NEK11: variants seen among roughly 807,000 people sequenced by gnomAD.
NEK11 encodes serine/threonine-protein kinase Nek11.
In NEK11, 72 loss-of-function variants were observed where a neutral mutation model predicts 80.7. The ratio of observed to expected loss-of-function variants is 0.89; its 90% confidence interval spans 0.74 to 1.08. NEK11 has a LOEUF of 1.08. Ranked by LOEUF, NEK11 falls within the 50% of genes least tolerant of loss-of-function variation. The pLI, the probability that NEK11 is intolerant of heterozygous loss-of-function variation, is 0.00. For missense variants in NEK11, 764 were observed against 763.6 expected, an observed-to-expected ratio of 1.00 and a Z score of -0.01; for synonymous variants, 251 against 260.7, an observed-to-expected ratio of 0.96 and a Z score of 0.36.
At chr3:131,300,482 A>G (rs912808952) in intron 17 of NEK11, among the ~76,000 whole-genome samples, 11 of 152,208 alleles carry the variant, frequency 7.2e-5, no homozygotes, top group Admixed American at 2.6e-4. Context: ...GATATTTCCT[A>G]GATTACCTTC....
rs760947214 is a variant in NEK11 at position 131,228,620 on chromosome 3, G to A, written c.1492G>A (p.Ala498Thr). 2.5e-6 allele frequency: 4 copies of A among 1,613,694 alleles called. No individual in the cohort carries two copies. The South Asian group carries it at 3.3e-5, about 13-fold the overall frequency. The change falls in exon 15 of 18, where the codon GCG becomes ACG. Residue 498 changes from alanine (A) to threonine (T), a missense_variant. Ala to Thr is a moderately conservative substitution (Grantham distance 58, BLOSUM62 0). Coordinates refer to ENST00000383366, the MANE Select transcript of NEK11 (RefSeq NM_024800.5). ...GAGTGATGAGGAGGAAGAAGAAATA[G>A]CGTTAGAAAGACCAGAGAAAGAAAT... is the stretch of plus-strand genomic sequence containing the variant. ...EESDEEEEEI[A>T]LERPEKEIRN...
chr3:131,235,538 T>A (rs1234986431), intron 15 of NEK11, among the ~76,000 whole-genome samples: 1 of 152,236 alleles, frequency 6.6e-6, no homozygotes, highest in African/African-American at 2.4e-5. Context: ...GAAAGGGTTG[T>A]GACACATGGG....
At chr3:131,190,646 CT>C (rs962787407) in intron 14 of NEK11, among the ~76,000 whole-genome samples, 5 of 152,126 alleles carry the variant, frequency 3.3e-5, no homozygotes, top group Non-Finnish European at 7.3e-5. Flanking sequence ...AAATAAACCT[CT>C]TTTCTTTATA....
chr3:131,152,369 T>A lies in NEK11; in HGVS notation c.648-19T>A, dbSNP rs1377028419. The A allele has an allele frequency of 6.4e-7, 1 of 1,570,800 alleles. No individual in the cohort carries two copies. Among genetic ancestry groups the A allele is most frequent in the African/African-American group, 1.4e-5 (1 of 72,702 alleles). On this transcript the variant is annotated intron_variant, in intron 7 of 17. Coordinates refer to ENST00000383366, the MANE Select transcript of NEK11 (RefSeq NM_024800.5). ...TAGGATATTTGTTCCTTATTTAAAT[T>A]CTTTGACTTTGTCTTCAGGTCACTG...
intron 14 of NEK11, among the ~76,000 whole-genome samples, chr3:131,219,355 G>A (rs2094943798): frequency 6.6e-6 from 1 of 151,668 alleles, no homozygotes; most frequent in Non-Finnish European, 1.5e-5. Context: ...AGAACACATG[G>A]ACACAGGGAG....
At chr3:131,329,002 ATGGCCTGGG>A (rs1344195163) in intron 17 of NEK11, 2 of 152,202 alleles carry the variant, frequency 1.3e-5, no homozygotes, top group Non-Finnish European at 2.9e-5. Flanking sequence ...TTCACTCCAG[ATGGCCTGGG>A]TGTGCAAAGT....
chr3:131,052,160 A>G (rs1253944759), intron 3 of NEK11, among the ~76,000 whole-genome samples: 1 of 136,076 alleles, frequency 7.3e-6, no homozygotes, highest in African/African-American at 2.7e-5. Flanking sequence ...CTTTTTTCAT[A>G]TGACACAATA....
chr3:131,191,958 G>A (rs1181422947), intron 14 of NEK11, among the ~76,000 whole-genome samples: 1 of 152,088 alleles, frequency 6.6e-6, no homozygotes, highest in Non-Finnish European at 1.5e-5. Context: ...ATCAAAATGA[G>A]AAATTTTTAT....
chr3:131,138,306 T>A (rs2086062741), intron 7 of NEK11, among the ~76,000 whole-genome samples: 1 of 152,084 alleles, frequency 6.6e-6, no homozygotes, highest in African/African-American at 2.4e-5. Context: ...GTGGTGGCCA[T>A]GGGGTGAAGC....
intron 17 of NEK11, among the ~76,000 whole-genome samples, chr3:131,285,853 A>G (rs768063929): frequency 1.3e-5 from 2 of 152,202 alleles, no homozygotes; most frequent in Non-Finnish European, 2.9e-5. Flanking sequence ...TAATGATGGG[A>G]AGCATCAGAG....
chr3:131,344,328 C>T lies in NEK11; in HGVS notation c.1719-5229C>T, dbSNP rs556037779. Among the ~76,000 whole-genome samples, 11 of 152,326 alleles carry T rather than the reference C, an allele frequency of 7.2e-5. No homozygotes were observed. In the South Asian group the frequency reaches 2.3e-3, roughly 32 times the overall value. ...CCTTTGCTCCAGTTCCCAATAAGTT[C>T]CTCATTTCCATCTGACACCTTGTCA... On this transcript the variant is annotated intron_variant, in intron 17 of 17. Coordinates refer to ENST00000383366, the MANE Select transcript of NEK11 (RefSeq NM_024800.5).
At chr3:131,226,639 G>A (rs1394898845) in intron 14 of NEK11, among the ~76,000 whole-genome samples, 1 of 152,092 alleles carries the variant, frequency 6.6e-6, no homozygotes, top group East Asian at 1.9e-4. Context: ...GGTACACAGA[G>A]GCATGCAGAG....
intron 16 of NEK11, among the ~76,000 whole-genome samples, chr3:131,251,361 G>A (rs72991526): frequency 0.11 from 16,534 of 151,936 alleles, 1,474 homozygotes; most frequent in African/African-American, 0.24. Context: ...TTTTTAAAAA[G>A]AGGTAAGTGT....
chr3:131,255,044 GAGAGAGAGAC>G (rs1218421663), intron 16 of NEK11, among the ~76,000 whole-genome samples: 2 of 120,738 alleles, frequency 1.7e-5, no homozygotes, highest in Non-Finnish European at 3.6e-5. Context: ...GAGAGAGAGA[GAGAGAGAGAC>G]AGACAGACAG....
intron 14 of NEK11, among the ~76,000 whole-genome samples, chr3:131,218,890 G>A (rs2094928550): frequency 1.3e-5 from 2 of 152,086 alleles, no homozygotes; most frequent in African/African-American, 2.4e-5. Context: ...CCCACTTTTT[G>A]ATAGGGTTGC....
intron 14 of NEK11, among the ~76,000 whole-genome samples, chr3:131,225,419 CGTT>C (rs1194204556): frequency 6.6e-6 from 1 of 152,150 alleles, no homozygotes; most frequent in Non-Finnish European, 1.5e-5. Flanking sequence ...AACATATCCT[CGTT>C]GTTAAGTGAT....
chr3:131,264,353 A>T (rs1204970389), intron 16 of NEK11, among the ~76,000 whole-genome samples: 1 of 152,182 alleles, frequency 6.6e-6, no homozygotes, highest in Non-Finnish European at 1.5e-5. Flanking sequence ...TAGGTCTAAC[A>T]TTTAAGTCTT....
intron 7 of NEK11, among the ~76,000 whole-genome samples, chr3:131,146,622 G>T (rs1449309456): frequency 6.6e-6 from 1 of 152,050 alleles, no homozygotes; most frequent in Non-Finnish European, 1.5e-5. Context: ...GGTTCAACTT[G>T]ATGATTATAT....
In NEK11 at chr3:131,092,592, C is replaced by T. The variant is rs761910518; in HGVS notation, c.336+12004C>T. ...ACTGCATACATATTCCCATGTTCAT[C>T]GAGTAGTCCAAAACAGTCTAAAACA... is the stretch of plus-strand genomic sequence containing the variant. On this transcript the variant is annotated intron_variant, in intron 4 of 17. Transcript: ENST00000383366. 2.0e-5 allele frequency among the ~76,000 whole-genome samples: 3 copies of T among 152,116 alleles called. No individual in the cohort carries two copies. The East Asian group carries it at 5.8e-4, about 29-fold the overall frequency.
Sources: gnomAD v4.1 joint callset for allele counts (sites outside exome capture counted in the v4.1 genomes callset) on GRCh38, gnomAD v4.1.1 for gene constraint, MANE v1.5 for transcripts, NCBI Gene and HGNC (gene_info 2026-07-23, HGNC 2026-07-21) for gene names.